The following MPP7 variants were observed in gnomAD, a reference collection of about 807,000 sequenced individuals.
MPP7 encodes the protein MAGUK p55 scaffold protein 7.
In MPP7, 60 loss-of-function variants were observed where a neutral mutation model predicts 76.5. That is an observed-to-expected ratio of 0.78 (90% CI 0.64 to 0.97). The LOEUF is 0.97. Among genes scored for constraint, MPP7 ranks in the 50% least tolerant of loss-of-function variants. MPP7 has a pLI of 0.00. For missense variants in MPP7, 641 were observed against 694.0 expected, an observed-to-expected ratio of 0.92 and a Z score of 0.86; for synonymous variants, 237 against 244.5, an observed-to-expected ratio of 0.97 and a Z score of 0.29.
intron 1 of MPP7, among the ~76,000 whole-genome samples, chr10:28,295,825 G>A (rs1366003082): frequency 2.0e-5 from 3 of 152,204 alleles, no homozygotes; most frequent in Non-Finnish European, 2.9e-5. Context: ...CCCAACTCAA[G>A]TACTCAATTT....
intron 11 of MPP7, among the ~76,000 whole-genome samples, chr10:28,091,305 G>A (rs1233512941): frequency 2.2e-5 from 2 of 90,342 alleles, no homozygotes; most frequent in African/African-American, 8.3e-5. Flanking sequence ...TTTTTTTTTT[G>A]AGATGGAGTT....
intron 16 of MPP7, among the ~76,000 whole-genome samples, chr10:28,055,565 T>C (rs1173174085): frequency 6.6e-6 from 1 of 152,186 alleles, no homozygotes; most frequent in African/African-American, 2.4e-5. Context: ...ATAATAGTCA[T>C]GAATATACCA....
intron 13 of MPP7, among the ~76,000 whole-genome samples, chr10:28,061,949 C>T (rs1476562847): frequency 1.3e-5 from 2 of 151,930 alleles, no homozygotes; most frequent in Admixed American, 6.6e-5. Flanking sequence ...AAAATAAAGA[C>T]CTCCTCAGAT....
intron 2 of MPP7, among the ~76,000 whole-genome samples, chr10:28,308,093 G>A (rs1841269268): frequency 6.6e-6 from 1 of 152,172 alleles, no homozygotes; most frequent in Non-Finnish European, 1.5e-5. Context: ...CCTGTTGCAG[G>A]GGAAGAAGGG....
At chr10:28,305,022 G>A (rs2133167211), upstream of MPP7, among the ~76,000 whole-genome samples, 1 of 152,262 alleles carries the variant, frequency 6.6e-6, no homozygotes, top group East Asian at 1.9e-4. Flanking sequence ...AGAAAACAGT[G>A]ACCAGAGGGA....
At chr10:28,214,586 C>T (rs1280477094) in intron 2 of MPP7, among the ~76,000 whole-genome samples, 2 of 152,268 alleles carry the variant, frequency 1.3e-5, no homozygotes, top group Middle Eastern at 6.8e-3. Context: ...GCTGGAGATG[C>T]CGTGACGATG....
At chr10:28,252,557 T>C (rs537946663) in intron 1 of MPP7, among the ~76,000 whole-genome samples, 164 of 152,336 alleles carry the variant, frequency 1.1e-3, no homozygotes, top group African/African-American at 3.8e-3. Flanking sequence ...CCCTCATGCA[T>C]TCAGTCTCTC....
At chr10:28,263,504 C>T (rs1052152844) in intron 1 of MPP7, among the ~76,000 whole-genome samples, 3 of 152,146 alleles carry the variant, frequency 2.0e-5, no homozygotes. Flanking sequence ...CTACATTTTT[C>T]CCGTCAATGT....
intron 1 of MPP7, among the ~76,000 whole-genome samples, chr10:28,253,455 C>T (rs1188096236): frequency 6.6e-6 from 1 of 152,200 alleles, no homozygotes; most frequent in Non-Finnish European, 1.5e-5. Flanking sequence ...ACCAGGGCCA[C>T]ACTCCAGGTT....
chr10:28,331,997 G>A (rs1378312020), intron 1 of MPP7, among the ~76,000 whole-genome samples: 1 of 152,140 alleles, frequency 6.6e-6, no homozygotes, highest in African/African-American at 2.4e-5. Flanking sequence ...TTGTATTTCT[G>A]CCCTCTATAA....
At chr10:28,302,749 C>G (rs891867939) in intron 1 of MPP7, among the ~76,000 whole-genome samples, 112 bp downstream of exon 1, 22 of 152,064 alleles carry the variant, frequency 1.4e-4, no homozygotes, top group African/African-American at 5.3e-4. Flanking sequence ...TCCGGAGGAC[C>G]GCGGCACCGC....
intron 1 of MPP7, among the ~76,000 whole-genome samples, chr10:28,263,838 T>C (rs1315995113): frequency 2.6e-5 from 4 of 152,102 alleles, no homozygotes; most frequent in Non-Finnish European, 5.9e-5. Context: ...GACACAGGAA[T>C]AGTATCCAAA....
At chr10:28,331,369 A>T (rs1470944608) in intron 1 of MPP7, among the ~76,000 whole-genome samples, 1 of 152,128 alleles carries the variant, frequency 6.6e-6, no homozygotes, top group Non-Finnish European at 1.5e-5. Flanking sequence ...AGGTCTTGGA[A>T]ACTATTTTAA....
chr10:28,212,137 G>A (rs2134022898), intron 2 of MPP7, among the ~76,000 whole-genome samples: 1 of 152,010 alleles, frequency 6.6e-6, no homozygotes, highest in South Asian at 2.1e-4. Context: ...ATAAATGAGT[G>A]AATGAATGCA....
At chr10:28,275,565 C>T (rs1050032574) in intron 1 of MPP7, among the ~76,000 whole-genome samples, 1 of 152,034 alleles carries the variant, frequency 6.6e-6, no homozygotes, top group African/African-American at 2.4e-5. Flanking sequence ...CACCACCACG[C>T]CTGGCTAATT....
chr10:28,130,799 C>A (rs569508035), intron 6 of MPP7, among the ~76,000 whole-genome samples: 4 of 152,230 alleles, frequency 2.6e-5, no homozygotes, highest in African/African-American at 9.6e-5. Context: ...TTTGTTCACA[C>A]AATAATCTTA....
At chr10:28,240,241 TTGGAAACAC>T (rs1839221317) in intron 1 of MPP7, among the ~76,000 whole-genome samples, 1 of 152,062 alleles carries the variant, frequency 6.6e-6, no homozygotes, top group Admixed American at 6.6e-5. Context: ...CAAAAAAACA[TTGGAAACAC>T]TGGAAAGACT....
intron 1 of MPP7, among the ~76,000 whole-genome samples, chr10:28,294,993 T>C (rs1385151795): frequency 1.3e-5 from 2 of 152,182 alleles, no homozygotes; most frequent in African/African-American, 4.8e-5. Flanking sequence ...GCCCCTGCAG[T>C]GGCTGTAGCA....
intron 1 of MPP7, among the ~76,000 whole-genome samples, chr10:28,330,865 T>C (rs703016): frequency 0.36 from 54,411 of 151,882 alleles, 10,627 homozygotes; most frequent in African/African-American, 0.5. Context: ...CTCCCCATGT[T>C]GCCCAGACTA....
Sources: allele counts gnomAD v4.1 joint callset (sites outside exome capture counted in the v4.1 genomes callset), GRCh38; gene constraint gnomAD v4.1.1; transcripts MANE v1.5; gene names NCBI Gene and HGNC (gene_info 2026-07-23, HGNC 2026-07-21).